Variants in CACNA1A observed in about 807,000 individuals in gnomAD.
CACNA1A encodes calcium voltage-gated channel subunit alpha1 A, also known as voltage-dependent P/Q-type calcium channel subunit alpha-1A.
Under a neutral mutation model 262.4 loss-of-function variants are expected in CACNA1A, and 57 were observed. That is an observed-to-expected ratio of 0.22 (90% CI 0.18 to 0.27). CACNA1A has a LOEUF of 0.27. Ranked by LOEUF, CACNA1A falls within the 10% of genes least tolerant of loss-of-function variation. CACNA1A has a pLI of 1.00. For synonymous variants in CACNA1A, 1,431 were observed against 1,419.3 expected, an observed-to-expected ratio of 1.01 and a Z score of -0.18; for missense variants, 2,526 against 3,562.8, an observed-to-expected ratio of 0.71 and a Z score of 7.41.
chr19:13,506,086 T>A lies in CACNA1A; in HGVS notation c.139A>T (p.Met47Leu). 1 of 1,613,598 alleles carries A rather than the reference T, an allele frequency of 6.2e-7. No individual in the cohort carries two copies. The highest frequency in any genetic ancestry group is 8.5e-7 in the Non-Finnish European group (1 of 1,179,756). ...CTCTGCGCCATTGACTGCTTGTACA[T>A]CCTTTGCGCCCCGGGCTGCCCGCCC... ...RQGGQPGAQR[M>L]YKQSMAQRAR... The change falls in exon 1 of 47, where the codon ATG becomes TTG. Residue 47 changes from methionine (M) to leucine (L), a missense_variant. Around this residue, in one of 17 missense-constraint regions of CACNA1A, gnomAD observed 65 missense variants for 75.6 expected, o/e 0.86. Transcript: ENST00000360228.
In CACNA1A at chr19:13,286,956, C is replaced by T. The variant is rs1600246766; in HGVS notation, c.3100G>A (p.Gly1034Ser). Residue 1034 changes from glycine (G) to serine (S), a missense_variant, in exon 20 of 47, where the codon GGC becomes AGC. Coordinates refer to ENST00000360228, the MANE Select transcript of CACNA1A (RefSeq NM_001127222.2). ...GGGCCCGACACAGGGACCCCGGAGC[C>T]CTGGTTCTCTCTGAGGAAGGCAAGT... ...RRHRRRKENQ[G>S]SGVPVSGPNL... 1 of 1,595,718 alleles carries T rather than the reference C, an allele frequency of 6.3e-7. No homozygotes were observed. Among genetic ancestry groups the T allele is most frequent in the South Asian group, 1.1e-5 (1 of 89,698 alleles).
chr19:13,372,399 T>G lies in CACNA1A; in HGVS notation c.540-620A>C, dbSNP rs142789369. Among the ~76,000 whole-genome samples, 1,276 of 152,286 alleles carry G rather than the reference T, an allele frequency of 8.4e-3. 21 individuals are homozygous for G. Among genetic ancestry groups the G allele is most frequent in the African/African-American group, 0.029 (1,218 of 41,544 alleles). On this transcript the variant is annotated intron_variant, in intron 3 of 46. Coordinates refer to ENST00000360228, the MANE Select transcript of CACNA1A (RefSeq NM_001127222.2). Reference sequence around the variant, plus strand: ...GTTGGCCAGGCTGGTCTTGAACTCCTGACCTCAGGTGATCCACCCGCCTCG... The same window carrying G: ...GTTGGCCAGGCTGGTCTTGAACTCCGGACCTCAGGTGATCCACCCGCCTCG...
At chr19:13,427,382 GC>G (rs1290292862) in intron 3 of CACNA1A, among the ~76,000 whole-genome samples, 2 of 151,956 alleles carry the variant, frequency 1.3e-5, no homozygotes, top group African/African-American at 2.4e-5. Flanking sequence ...AACCCAGGAG[GC>G]GGAGGTTGCA....
chr19:13,382,507 A>T (rs2059541026), intron 3 of CACNA1A, among the ~76,000 whole-genome samples: 1 of 152,178 alleles, frequency 6.6e-6, no homozygotes, highest in African/African-American at 2.4e-5. Context: ...TGGAGGCAGA[A>T]GGCTCCACTC....
chr19:13,473,802 C>T (rs1242204192), intron 1 of CACNA1A, among the ~76,000 whole-genome samples: 1 of 151,334 alleles, frequency 6.6e-6, no homozygotes, highest in Non-Finnish European at 1.5e-5. Flanking sequence ...ATGGATCCAC[C>T]TCTCCTTCAT....
At chr19:13,380,493 A>G (rs1447467710) in intron 3 of CACNA1A, among the ~76,000 whole-genome samples, 13 of 149,366 alleles carry the variant, frequency 8.7e-5, no homozygotes, top group African/African-American at 3.2e-4. Context: ...TAAAAATGCA[A>G]AAAATTAGCT....
At chr19:13,403,109 G>A (rs745670504) in intron 3 of CACNA1A, among the ~76,000 whole-genome samples, 71 of 151,194 alleles carry the variant, frequency 4.7e-4, no homozygotes, top group Non-Finnish European at 2.7e-4. Flanking sequence ...CCCTTTACCC[G>A]ACTTTACTGA....
intron 6 of CACNA1A, among the ~76,000 whole-genome samples, chr19:13,351,435 G>A (rs2058905699): frequency 6.6e-6 from 1 of 151,884 alleles, no homozygotes; most frequent in South Asian, 2.1e-4. Context: ...TTGAACTGCT[G>A]GGCTCAAGCA....
chr19:13,361,191 TAAGGA>T (rs1273489597), intron 5 of CACNA1A, among the ~76,000 whole-genome samples: 2 of 151,916 alleles, frequency 1.3e-5, no homozygotes, highest in Non-Finnish European at 2.9e-5. Flanking sequence ...TGCCTAAGGG[TAAGGA>T]ACAGGAGCTG....
chr19:13,506,332 G>A lies in CACNA1A; in HGVS notation c.-108C>T, dbSNP rs1001851610. On this transcript the variant is annotated 5_prime_UTR_variant, in exon 1 of 47. Transcript: ENST00000360228. ...TGAGGCTGCCGGGGCTGGGAGCGCG[G>A]CGGCTGGAGCTACGACTGCGGAGAC... 2 of 1,057,440 alleles carry A rather than the reference G, an allele frequency of 1.9e-6. No individual in the cohort carries two copies. The highest frequency in any genetic ancestry group is 2.5e-6 in the Non-Finnish European group (2 of 789,920). The allele number at this position is 1,057,440 out of a possible 1,614,324, so 65.5% of individuals were successfully genotyped here. A position where few individuals can be genotyped will look rare whatever the true frequency, so the allele number is the denominator to read the frequency against.
At chr19:13,403,622 A>G (rs2059949089) in intron 3 of CACNA1A, among the ~76,000 whole-genome samples, 1 of 152,050 alleles carries the variant, frequency 6.6e-6, no homozygotes, top group Admixed American at 6.6e-5. Flanking sequence ...GGCTCACAAG[A>G]TTGTGCTTGG....
intron 4 of CACNA1A, 51 bp downstream of exon 4, chr19:13,371,637 G>A (rs915405404): frequency 1.0e-5 from 14 of 1,344,970 alleles, no homozygotes; most frequent in Non-Finnish European, 1.3e-5. Context: ...GAAACTGAGG[G>A]CTCCTGGGGC....
At position 13,207,634 on chromosome 19, in the gene CACNA1A, C is replaced by T; in HGVS notation, c.7200G>A (p.Gly2400=). The change falls in exon 47 of 47, where the codon GGG becomes GGA. Residue 2400 remains glycine (G), a synonymous_variant. Coordinates refer to ENST00000360228, the MANE Select transcript of CACNA1A (RefSeq NM_001127222.2). This position sits in a 1 kb window ranked among gnomAD's most constrained non-coding sequence, Gnocchi z 5.7. ...AGCCATGGTGCCGGGGACCCGGGGG[C>T]CCCTCGGACACGTGCGGGCCAGATG... ...WPASGPHVSE[G]PPGPRHHGYY... The T allele has an allele frequency of 6.8e-7, 1 of 1,477,722 alleles. No individual in the cohort carries two copies. Among genetic ancestry groups the T allele is most frequent in the East Asian group, 3.0e-5 (1 of 33,888 alleles). The allele number at this position is 1,477,722 out of a possible 1,614,324, so 91.5% of individuals were successfully genotyped here.
intron 3 of CACNA1A, chr19:13,452,661 A>G (rs2060936685): frequency 2.2e-6 from 1 of 457,030 alleles, no homozygotes. Context: ...AGCCAACAAT[A>G]ATGAGCTATT....
In CACNA1A at chr19:13,320,237, CGAGAGAGA is replaced by C. The variant is rs146095824; in HGVS notation, c.1346-2924_1346-2917del. Among the ~76,000 whole-genome samples, 1,132 of 127,236 alleles carry C rather than the reference CGAGAGAGA, an allele frequency of 8.9e-3. 12 individuals are homozygous for C. Among genetic ancestry groups the C allele is most frequent in the African/African-American group, 0.027 (948 of 34,806 alleles). The allele number at this position is 127,236 out of a possible 152,430, so 83.5% of individuals were successfully genotyped here. A position where few individuals can be genotyped will look rare whatever the true frequency, so the allele number is the denominator to read the frequency against. On this transcript the variant is annotated intron_variant, in intron 10 of 46. Transcript: ENST00000360228. ...GGGACAGGGGGGATGTTCCACAGATCGAGAGAGAGAGAGAGAGAGAGAGAGAGAGAGAG... is the reference window on the plus strand; with the variant it reads ...GGGACAGGGGGGATGTTCCACAGATCGAGAGAGAGAGAGAGAGAGAGAGAG...
In CACNA1A at chr19:13,376,945, A is replaced by G. The variant is rs933017688; in HGVS notation, c.540-5166T>C. On this transcript the variant is annotated intron_variant, in intron 3 of 46. Transcript: ENST00000360228. ...ATATGTTATATATATAATTTATATTACATATAACATGTTATATATATATAT... is the reference window on the plus strand; with the variant it reads ...ATATGTTATATATATAATTTATATTGCATATAACATGTTATATATATATAT... Among the ~76,000 whole-genome samples, 9 of 146,860 alleles carry G rather than the reference A, an allele frequency of 6.1e-5. 1 individual carries two copies. The highest frequency in any genetic ancestry group is 2.0e-4 in the African/African-American group (8 of 40,388).
At chr19:13,368,500 A>C (rs2059258058) in intron 4 of CACNA1A, among the ~76,000 whole-genome samples, 1 of 152,028 alleles carries the variant, frequency 6.6e-6, no homozygotes. Context: ...ACCTGGTTCC[A>C]CTACCATTTT....
At chr19:13,210,817 A>T in intron 43 of CACNA1A, 165 bp from the exon 44 acceptor site, 2 of 761,256 alleles carry the variant, frequency 2.6e-6, no homozygotes, top group South Asian at 3.2e-5. Flanking sequence ...GAGGAAAAGA[A>T]AAGTTAAAGT....
intron 3 of CACNA1A, among the ~76,000 whole-genome samples, chr19:13,401,384 T>G (rs1170016504): frequency 6.6e-6 from 1 of 152,160 alleles, no homozygotes. Context: ...CACTGAGTAG[T>G]TGTTTGCATT....
Sources: gnomAD v4.1 joint callset for allele counts (sites outside exome capture counted in the v4.1 genomes callset) on GRCh38, gnomAD v4.1.1 for gene constraint, gnomAD v4.1.1 regional missense constraint, Gnocchi (gnomAD v3.1) non-coding constraint, MANE v1.5 for transcripts, NCBI Gene and HGNC (gene_info 2026-07-23, HGNC 2026-07-21) for gene names.